The following TSEN54 variants were observed in gnomAD, a reference collection of about 807,000 sequenced individuals.
TSEN54 encodes tRNA splicing endonuclease subunit 54.
A neutral mutation model predicts 61.9 loss-of-function variants in TSEN54; 55 were observed. The observed-to-expected ratio is 0.89, with a 90% CI of 0.72 to 1.11. The LOEUF (loss-of-function observed/expected upper bound fraction) is 1.11, where lower values mean the gene tolerates loss of function less well. TSEN54 is among the 50% of genes most tolerant of loss of function. The pLI is 0.00. For synonymous variants in TSEN54, 304 were observed against 288.7 expected (o/e 1.05, Z -0.54); for missense variants, 760 against 687.7 (o/e 1.11, Z -1.18).
chr17:75,521,436 G>A lies in TSEN54; in HGVS notation c.549G>A (p.Gln183=), dbSNP rs1279909712. The A allele has an allele frequency of 6.2e-7, 1 of 1,614,144 alleles. No homozygotes were observed. Among genetic ancestry groups the A allele is most frequent in the South Asian group, 1.1e-5 (1 of 91,086 alleles). Reference sequence around the variant, plus strand: ...CTGTCCTGTCCCCGTATGAGAGGCAGCTTAACCTGGATGCCAGCGTGCAGC... The same window carrying A: ...CTGTCCTGTCCCCGTATGAGAGGCAACTTAACCTGGATGCCAGCGTGCAGC... The part of the protein sequence containing the change: ...PSSVLSPYER[Q]LNLDASVQHL... Residue 183 remains glutamine (Q), a synonymous_variant, in exon 7 of 11, where the codon CAG becomes CAA. Coordinates refer to ENST00000333213, the MANE Select transcript of TSEN54 (RefSeq NM_207346.3).
At position 75,524,453 on chromosome 17, in the gene TSEN54, C is replaced by T. The variant is rs1442248161; in HGVS notation, c.*41C>T. ...GAGGATGGAGCTTGCTCCGGGGGACCGGGACTGTCTGTTCTCAGGGACCAT... is the reference window on the plus strand; with the variant it reads ...GAGGATGGAGCTTGCTCCGGGGGACTGGGACTGTCTGTTCTCAGGGACCAT... On this transcript the variant is annotated 3_prime_UTR_variant, in exon 11 of 11. Coordinates refer to ENST00000333213, the MANE Select transcript of TSEN54 (RefSeq NM_207346.3). 9 of 1,612,538 alleles carry T rather than the reference C, an allele frequency of 5.6e-6. No individual in the cohort carries two copies. The highest frequency in any genetic ancestry group is 1.3e-5 in the African/African-American group (1 of 74,918).
At chr17:75,521,158 C>T (rs1020850722) in intron 6 of TSEN54, among the ~76,000 whole-genome samples, 2 of 152,122 alleles carry the variant, frequency 1.3e-5, no homozygotes, top group Admixed American at 6.5e-5. Flanking sequence ...AATAGTTATC[C>T]AAGGTTTTTA....
intron 5 of TSEN54, 68 bp downstream of exon 5, chr17:75,517,723 A>G (rs991895207): frequency 3.7e-6 from 5 of 1,350,484 alleles, no homozygotes; most frequent in Admixed American, 1.7e-5. Context: ...ACAAGTACCC[A>G]TAAGGTGCCA....
chr17:75,523,477 G>A, intron 9 of TSEN54, 142 bp downstream of exon 9: 1 of 1,595,828 alleles, frequency 6.3e-7, no homozygotes, highest in Non-Finnish European at 8.5e-7. Context: ...GCAATAACTA[G>A]TGTTCGTGTG....
Position 75,522,264 on chromosome 17 carries a change from C to G in TSEN54, c.1183C>G (p.Arg395Gly), listed in dbSNP as rs572964665. The change falls in exon 8 of 11, where the codon CGC (arginine) becomes GGC (glycine). Residue 395 changes from arginine (R) to glycine (G), a missense_variant. By Grantham distance (125) the Arg-to-Gly change is moderately radical (BLOSUM62 -2). Transcript: ENST00000333213. ...GCGGCGGCAGGTGCAGAGGAGCCAGCGCCGGGCCCCTCACCTGTGGGGCCA... is the reference window on the plus strand; with the variant it reads ...GCGGCGGCAGGTGCAGAGGAGCCAGGGCCGGGCCCCTCACCTGTGGGGCCA... ...LQRRQVQRSQ[R>G]RAPHLWGQPV... The G allele has an allele frequency of 1.0e-5, 16 of 1,546,784 alleles. No homozygotes were observed. In the Middle Eastern group the frequency reaches 5.9e-4, roughly 57 times the overall value.
intron 8 of TSEN54, 131 bp from the exon 9 acceptor site, chr17:75,523,144 A>T: frequency 8.4e-7 from 1 of 1,190,814 alleles, no homozygotes; most frequent in Non-Finnish European, 1.2e-6. Flanking sequence ...ACGCCACTAT[A>T]CTCCAGCCTG....
intron 7 of TSEN54, 41 bp downstream of exon 7, chr17:75,521,551 G>T (rs530811194): frequency 8.1e-6 from 13 of 1,601,050 alleles, no homozygotes; most frequent in Middle Eastern, 1.7e-4. Flanking sequence ...GAGTGCTGGT[G>T]TCTGGGACCT....
At chr17:75,522,485 G>A (rs776965788) in intron 8 of TSEN54, 152 bp downstream of exon 8, 47 of 1,493,862 alleles carry the variant, frequency 3.1e-5, no homozygotes, top group Middle Eastern at 2.4e-4. Context: ...GTTCTCCGGC[G>A]GCTGCAGCAG....
At chr17:75,519,211 T>C (rs1193080771) in intron 6 of TSEN54, among the ~76,000 whole-genome samples, 164 bp downstream of exon 6, 1 of 152,036 alleles carries the variant, frequency 6.6e-6, no homozygotes, top group Non-Finnish European at 1.5e-5. Flanking sequence ...GAGAGGCAGG[T>C]TGGGAGGAAT....
chr17:75,521,995 A>G lies in TSEN54; in HGVS notation c.914A>G (p.Asn305Ser), dbSNP rs776796485. 4.4e-6 allele frequency: 7 copies of G among 1,602,192 alleles called. No homozygotes were observed. The East Asian group carries it at 9.1e-5, about 21-fold the overall frequency. ...AACTTCGAGCAGATCTCCTTCCCCA[A>G]CATGGCTTCAGACAGCCGCCACACC... The part of the protein sequence containing the change: ...RWNFEQISFP[N>S]MASDSRHTLL... The change falls in exon 8 of 11, where the codon AAC becomes AGC. Residue 305 changes from asparagine (N) to serine (S), a missense_variant. Physicochemically the swap from Asn to Ser is conservative, Grantham distance 46. This residue lies in a region of TSEN54 where 667 missense variants were observed against 577.8 expected (regional missense o/e 1.15). Transcript: ENST00000333213.
At chr17:75,522,473 C>T in intron 8 of TSEN54, 140 bp downstream of exon 8, 1 of 1,507,734 alleles carries the variant, frequency 6.6e-7, no homozygotes, top group Non-Finnish European at 8.9e-7. Context: ...CAAGCACGGT[C>T]AGTTCTCCGG....
chr17:75,520,049 T>A (rs2053411345), intron 6 of TSEN54, among the ~76,000 whole-genome samples: 1 of 152,128 alleles, frequency 6.6e-6, no homozygotes, highest in East Asian at 1.9e-4. Context: ...TTGCATTTAG[T>A]GAGGAGTCAC....
At chr17:75,517,428 C>G in intron 4 of TSEN54, 129 bp from the exon 5 acceptor site, 1 of 1,161,942 alleles carries the variant, frequency 8.6e-7, no homozygotes, top group Non-Finnish European at 1.3e-6. Flanking sequence ...GCCCCACTTT[C>G]CTGGTTGGCC....
Position 75,523,602 on chromosome 17 carries a change from G to A in TSEN54, c.1314-61G>A. ...TGGAACTGGTGGAGGGAAAGGGTGG[G>A]ATGGAAAAGAAAGGTTGGGGAGAAG... On this transcript the variant is annotated intron_variant, in intron 9 of 10. Coordinates refer to ENST00000333213, the MANE Select transcript of TSEN54 (RefSeq NM_207346.3). The A allele has an allele frequency of 2.5e-6, 4 of 1,614,012 alleles. No individual in the cohort carries two copies. In the South Asian group the frequency reaches 3.3e-5, roughly 13 times the overall value.
At position 75,516,773 on chromosome 17, in the gene TSEN54, G is replaced by T; in HGVS notation, c.84G>T (p.Ser28=). 1 of 1,577,294 alleles carries T rather than the reference G, an allele frequency of 6.3e-7. No individual in the cohort carries two copies. The highest frequency in any genetic ancestry group is 8.5e-7 in the Non-Finnish European group (1 of 1,169,980). ...CCCGGGAGCTCTTCGCCGCCCGCTC[G>T]CGGTCGCAGAAGCTGCCCCAGCGCT... ...LSARELFAAR[S]RSQKLPQRSH... is the part of the protein sequence containing the mutation. The change falls in exon 2 of 11, where the codon TCG becomes TCT. Residue 28 remains serine (S), a synonymous_variant. Coordinates refer to ENST00000333213, the MANE Select transcript of TSEN54 (RefSeq NM_207346.3).
At chr17:75,518,363 T>A (rs1453483591) in intron 5 of TSEN54, 2 of 206,328 alleles carry the variant, frequency 9.7e-6, no homozygotes, top group Non-Finnish European at 1.7e-5. Flanking sequence ...GCTCTCTGTG[T>A]AGGTTAGGGG....
At chr17:75,519,417 C>G (rs2053405505) in intron 6 of TSEN54, among the ~76,000 whole-genome samples, 1 of 152,204 alleles carries the variant, frequency 6.6e-6, no homozygotes, top group Non-Finnish European at 1.5e-5. Context: ...AGTAGGGTTT[C>G]ACATTTTTCA....
In TSEN54 at chr17:75,516,543, G is replaced by A; in HGVS notation, c.-18G>A. On this transcript the variant is annotated 5_prime_UTR_variant, in exon 1 of 11. Transcript: ENST00000333213. Reference sequence around the variant, plus strand: ...TGGGCGGGGCGTGGCGGCGCGCGCAGCGGCAGGCGGCGGCGGGATGGAGCC... The same window carrying A: ...TGGGCGGGGCGTGGCGGCGCGCGCAACGGCAGGCGGCGGCGGGATGGAGCC... 2.7e-6 allele frequency: 3 copies of A among 1,116,612 alleles called. No individual in the cohort carries two copies. Among genetic ancestry groups the A allele is most frequent in the Non-Finnish European group, 3.3e-6 (3 of 916,584 alleles). The allele number at this position is 1,116,612 out of a possible 1,614,324, so 69.2% of individuals were successfully genotyped here.
chr17:75,521,643 A>G (rs1440865375), intron 7 of TSEN54, 62 bp from the exon 8 acceptor site: 2 of 1,589,044 alleles, frequency 1.3e-6, no homozygotes, highest in African/African-American at 2.7e-5. Context: ...TTCAGCTCCC[A>G]TGGGACGTGT....
Sources: gnomAD v4.1 joint callset for allele counts (sites outside exome capture counted in the v4.1 genomes callset) on GRCh38, gnomAD v4.1.1 for gene constraint, gnomAD v4.1.1 regional missense constraint, MANE v1.5 for transcripts, NCBI Gene and HGNC (gene_info 2026-07-23, HGNC 2026-07-21) for gene names.